Variants in GLI3 observed in about 807,000 individuals in gnomAD.
GLI3 encodes the protein transcription activator GLI3.
GLI3 carries 20 observed loss-of-function variants against 100.8 expected under a neutral mutation model. That is an observed-to-expected ratio of 0.20 (90% CI 0.14 to 0.29). GLI3 has a LOEUF of 0.29. GLI3 is among the 10% of genes least tolerant of loss of function. The pLI is 1.00. For missense variants in GLI3, 2,040 were observed against 2,128.5 expected, an observed-to-expected ratio of 0.96 and a Z score of 0.82; for synonymous variants, 938 against 860.5, an observed-to-expected ratio of 1.09 and a Z score of -1.58.
intron 4 of GLI3, 126 bp downstream of exon 4, chr7:42,076,626 A>G (rs1784883566): frequency 1.4e-6 from 1 of 723,002 alleles, no homozygotes; most frequent in Non-Finnish European, 2.5e-6. Flanking sequence ...CTATATTTCA[A>G]AAGTAAATCT....
At chr7:42,000,221 G>A (rs962632321) in intron 10 of GLI3, among the ~76,000 whole-genome samples, 1 of 152,200 alleles carries the variant, frequency 6.6e-6, no homozygotes, top group African/African-American at 2.4e-5. Flanking sequence ...ATTAAGGGTA[G>A]TTGATTTGTA....
chr7:42,082,469 C>T (rs1180637702), intron 3 of GLI3, among the ~76,000 whole-genome samples: 1 of 152,094 alleles, frequency 6.6e-6, no homozygotes, highest in Non-Finnish European at 1.5e-5. Flanking sequence ...TCTAGAGCAA[C>T]GTGTTTTGAG....
At position 41,962,970 on chromosome 7, in the gene GLI3, A is replaced by C. The variant is rs146291268; in HGVS notation, c.*1360T>G. 1.3e-5 allele frequency: 2 copies of C among 152,324 alleles called. No individual in the cohort carries two copies. Among genetic ancestry groups the C allele is most frequent in the African/African-American group, 4.8e-5 (2 of 41,572 alleles). 9.4% of individuals were successfully genotyped at this position (152,324 alleles called of 1,614,324 possible). On this transcript the variant is annotated 3_prime_UTR_variant, in exon 15 of 15. Coordinates refer to ENST00000395925, the MANE Select transcript of GLI3 (RefSeq NM_000168.6). ...TTATGTGTATCAAATGCACGTGGGG[A>C]GTAGCTGCACTTCAAAAATCTTTAA...
At chr7:42,078,486 C>T (rs1446745614) in intron 3 of GLI3, among the ~76,000 whole-genome samples, 1 of 152,092 alleles carries the variant, frequency 6.6e-6, no homozygotes, top group Non-Finnish European at 1.5e-5. Context: ...GGCTGTAATT[C>T]TACAGTTTAC....
chr7:42,211,115 A>G lies in GLI3; in HGVS notation c.124+12015T>C, dbSNP rs541973692. On this transcript the variant is annotated intron_variant, in intron 2 of 14. Coordinates refer to ENST00000395925, the MANE Select transcript of GLI3 (RefSeq NM_000168.6). ...GATAAAAATATTCTAATTTTGTACG[A>G]AACTGATCAAAGAAAGTGCTTTGAA... Among the ~76,000 whole-genome samples, 631 of 152,356 alleles carry G rather than the reference A, an allele frequency of 4.1e-3. 8 individuals carry two copies. The highest frequency in any genetic ancestry group is 0.014 in the African/African-American group (600 of 41,584).
intron 10 of GLI3, among the ~76,000 whole-genome samples, chr7:42,013,767 C>T (rs1788684932): frequency 6.6e-6 from 1 of 152,192 alleles, no homozygotes; most frequent in South Asian, 2.1e-4. Flanking sequence ...TTGACTAGCA[C>T]TGTAGTAGGT....
intron 3 of GLI3, among the ~76,000 whole-genome samples, chr7:42,102,863 C>T (rs1436579474): frequency 6.6e-6 from 1 of 152,036 alleles, no homozygotes; most frequent in Non-Finnish European, 1.5e-5. Context: ...CTCAGTTCGC[C>T]GGTCACACTG....
At position 42,212,959 on chromosome 7, in the gene GLI3, C is replaced by T. The variant is rs141181726; in HGVS notation, c.124+10171G>A. Among the ~76,000 whole-genome samples the T allele has an allele frequency of 4.5e-3, 685 of 152,316 alleles. 3 individuals carry two copies. The highest frequency in any genetic ancestry group is 0.016 in the African/African-American group (647 of 41,566). ...ATTCCCGTCTCATCTTCCTAGGATT[C>T]CTAAAGCACTTTAAGAGAGGAAGGG... On this transcript the variant is annotated intron_variant, in intron 2 of 14. Coordinates refer to ENST00000395925, the MANE Select transcript of GLI3 (RefSeq NM_000168.6).
At chr7:42,087,041 G>C (rs1023185109) in intron 3 of GLI3, among the ~76,000 whole-genome samples, 1 of 152,132 alleles carries the variant, frequency 6.6e-6, no homozygotes, top group Non-Finnish European at 1.5e-5. Context: ...TGGGGTGTGA[G>C]GGCAGAAGAG....
At chr7:42,263,733 C>A (rs1331179535) in intron 1 of GLI3, among the ~76,000 whole-genome samples, 1 of 152,122 alleles carries the variant, frequency 6.6e-6, no homozygotes, top group Non-Finnish European at 1.5e-5. Flanking sequence ...CAGGCGTGAG[C>A]CACCGCACCC....
rs76481036 is a variant in GLI3, at chr7:42,117,672, G to A, written c.367+30554C>T. Among the ~76,000 whole-genome samples the A allele has an allele frequency of 3.1e-3, 469 of 152,304 alleles. 1 individual carries two copies. The highest frequency in any genetic ancestry group is 0.015 in the South Asian group (70 of 4,820). On this transcript the variant is annotated intron_variant, in intron 3 of 14. Transcript: ENST00000395925. ...AGATGCCTGCTTTTGCTGGGGGAAT[G>A]GAACAAATGATGTTTCAGGCAGGAG...
chr7:42,093,768 G>A (rs1204720743), intron 3 of GLI3, among the ~76,000 whole-genome samples: 2 of 151,988 alleles, frequency 1.3e-5, no homozygotes, highest in Admixed American at 6.5e-5. Flanking sequence ...ACATTAATGG[G>A]GAATCTTAAG....
chr7:42,252,164 T>A (rs1789039564), intron 1 of GLI3, among the ~76,000 whole-genome samples: 2 of 114,622 alleles, frequency 1.7e-5, no homozygotes, highest in Admixed American at 2.1e-4. Flanking sequence ...TATGCAGCCA[T>A]AAAAAAGAAT....
chr7:42,052,881 T>C (rs1463723498), intron 4 of GLI3, among the ~76,000 whole-genome samples: 1 of 152,200 alleles, frequency 6.6e-6, no homozygotes, highest in Non-Finnish European at 1.5e-5. Context: ...TCAACTACCA[T>C]AGCCAAACAG....
chr7:42,159,143 CA>C (rs948887885), intron 2 of GLI3, among the ~76,000 whole-genome samples: 2 of 151,744 alleles, frequency 1.3e-5, no homozygotes, highest in South Asian at 2.1e-4. Flanking sequence ...AACAAACAAA[CA>C]AAAAAAACAC....
chr7:42,126,202 G>A (rs1174160978), intron 3 of GLI3, among the ~76,000 whole-genome samples: 1 of 152,204 alleles, frequency 6.6e-6, no homozygotes, highest in Non-Finnish European at 1.5e-5. Flanking sequence ...GGTAGTGCCT[G>A]TGTTTCTCTG....
At chr7:41,994,357 A>G (rs1788069290) in intron 10 of GLI3, among the ~76,000 whole-genome samples, 1 of 152,228 alleles carries the variant, frequency 6.6e-6, no homozygotes, top group African/African-American at 2.4e-5. Flanking sequence ...AATCTCATTC[A>G]CGGAATAGAA....
At chr7:41,968,713 G>GAAAGAAGA (rs1554305425) in intron 13 of GLI3, among the ~76,000 whole-genome samples, 2 of 93,896 alleles carry the variant, frequency 2.1e-5, no homozygotes, top group African/African-American at 4.4e-5. Context: ...AAGAAAGAAA[G>GAAAGAAGA]AAGAAAGAAA....
chr7:42,263,811 G>T (rs1456388037), intron 1 of GLI3, among the ~76,000 whole-genome samples: 1 of 152,024 alleles, frequency 6.6e-6, no homozygotes, highest in African/African-American at 2.4e-5. Context: ...TGTCTGGTGG[G>T]GTTAGATCAG....
Sources: allele counts gnomAD v4.1 joint callset (sites outside exome capture counted in the v4.1 genomes callset), GRCh38; gene constraint gnomAD v4.1.1; transcripts MANE v1.5; gene names NCBI Gene and HGNC (gene_info 2026-07-23, HGNC 2026-07-21).